The following TRIM36 variants were observed in gnomAD, a reference collection of about 807,000 sequenced individuals.
TRIM36 encodes the protein tripartite motif containing 36, also known as E3 ubiquitin-protein ligase TRIM36.
A neutral mutation model predicts 72.4 loss-of-function variants in TRIM36; 42 were observed. That is an observed-to-expected ratio of 0.58 (90% CI 0.45 to 0.75). TRIM36 has a LOEUF of 0.75. Ranked by LOEUF, TRIM36 falls within the 30% of genes least tolerant of loss-of-function variation. The pLI, the probability that TRIM36 is intolerant of heterozygous loss-of-function variation, is 0.00. For missense variants in TRIM36, 913 were observed against 857.1 expected (o/e 1.07, Z -0.81); for synonymous variants, 315 against 282.8 (o/e 1.11, Z -1.14).
At position 115,144,609 on chromosome 5, in the gene TRIM36, T is replaced by C. The variant is rs1187747863; in HGVS notation, c.724A>G (p.Lys242Glu). The C allele has an allele frequency of 6.2e-7, 1 of 1,613,528 alleles. No individual in the cohort carries two copies. The highest frequency in any genetic ancestry group is 8.5e-7 in the Non-Finnish European group (1 of 1,179,932). The part of the protein sequence containing the change: ...HRVTTMSSAY[K>E]TLKEKLSKDI... ...AAAATAAGTCCTACCTTTAAGGTTT[T>C]GTAGGCACTGCTCATAGTGGTTACA... The change falls in exon 4 of 10, where the codon AAA (lysine) becomes GAA (glutamate). Residue 242 changes from lysine to glutamate, a missense_variant. Transcript: ENST00000513154.
intron 2 of TRIM36, 78 bp from the exon 3 acceptor site, chr5:115,147,472 A>C: frequency 6.9e-7 from 1 of 1,440,516 alleles, no homozygotes; most frequent in Non-Finnish European, 9.5e-7. Context: ...GTCATGTCTT[A>C]GAGACATATC....
chr5:115,161,815 A>G (rs1351013271), intron 2 of TRIM36, among the ~76,000 whole-genome samples: 1 of 151,942 alleles, frequency 6.6e-6, no homozygotes, highest in African/African-American at 2.4e-5. Context: ...TCAAATATTT[A>G]TTGTCTCCAT....
chr5:115,168,065 G>A (rs1754887502), intron 1 of TRIM36, among the ~76,000 whole-genome samples: 3 of 151,986 alleles, frequency 2.0e-5, no homozygotes, highest in Non-Finnish European at 4.4e-5. Context: ...AAAACAGCAT[G>A]GGGGAAACCA....
In TRIM36 at chr5:115,165,904, G is replaced by A. The variant is rs142905754; in HGVS notation, c.28-2152C>T. ...TTGGAGAAAAGCTGTGGCCAAGCCCGGGCACTGACATGACCTGGCCAGGTG... is the reference window on the plus strand; with the variant it reads ...TTGGAGAAAAGCTGTGGCCAAGCCCAGGCACTGACATGACCTGGCCAGGTG... On this transcript the variant is annotated intron_variant, in intron 1 of 9. Coordinates refer to ENST00000513154, the MANE Select transcript of TRIM36 (RefSeq NM_001300759.2). 1.7e-4 allele frequency among the ~76,000 whole-genome samples: 26 copies of A among 152,242 alleles called. No individual in the cohort carries two copies. In the East Asian group the frequency reaches 3.5e-3, roughly 20 times the overall value.
intron 1 of TRIM36, among the ~76,000 whole-genome samples, chr5:115,166,543 A>C (rs938545137): frequency 6.6e-6 from 1 of 152,150 alleles, no homozygotes; most frequent in Non-Finnish European, 1.5e-5. Flanking sequence ...TCAATAAAGC[A>C]CCTTGTTCAC....
At chr5:115,131,707 T>C (rs764473470) in intron 8 of TRIM36, among the ~76,000 whole-genome samples, 2 of 152,204 alleles carry the variant, frequency 1.3e-5, no homozygotes, top group Non-Finnish European at 2.9e-5. Flanking sequence ...TGCTACAACA[T>C]GTATGATACA....
chr5:115,154,776 A>C (rs1754085824), intron 2 of TRIM36, among the ~76,000 whole-genome samples: 1 of 152,230 alleles, frequency 6.6e-6, no homozygotes, highest in Non-Finnish European at 1.5e-5. Context: ...ATTGGTACTA[A>C]TCATATTGAC....
chr5:115,165,555 G>A (rs1299939477), intron 1 of TRIM36, among the ~76,000 whole-genome samples: 4 of 152,184 alleles, frequency 2.6e-5, no homozygotes, highest in Non-Finnish European at 5.9e-5. Flanking sequence ...GAACAGCTGG[G>A]ACACAGGGCA....
At chr5:115,128,095 G>GGT (rs113602808) in intron 9 of TRIM36, among the ~76,000 whole-genome samples, 39 of 149,212 alleles carry the variant, frequency 2.6e-4, no homozygotes, top group African/African-American at 9.0e-4. Flanking sequence ...AAATTGGGGG[G>GGT]GGCCAGGAGT....
At chr5:115,163,077 A>T (rs1412237232) in intron 2 of TRIM36, among the ~76,000 whole-genome samples, 1 of 151,188 alleles carries the variant, frequency 6.6e-6, no homozygotes, top group Non-Finnish European at 1.5e-5. Context: ...CCTGACTCAG[A>T]CTCCCAGGTA....
At chr5:115,177,497 G>A (rs1755389402) in intron 1 of TRIM36, 12 of 1,266,500 alleles carry the variant, frequency 9.5e-6, no homozygotes, top group South Asian at 6.0e-5. Context: ...AAGTGGAACC[G>A]AACCCCACAG....
intron 9 of TRIM36, among the ~76,000 whole-genome samples, chr5:115,129,403 A>C (rs1419658760): frequency 2.6e-5 from 4 of 152,092 alleles, no homozygotes; most frequent in African/African-American, 4.8e-5. Flanking sequence ...TCTCTACTAA[A>C]AAAAATTAGC....
chr5:115,149,959 C>T (rs950351530), intron 2 of TRIM36, among the ~76,000 whole-genome samples: 1 of 152,110 alleles, frequency 6.6e-6, no homozygotes, highest in Non-Finnish European at 1.5e-5. Context: ...TGGGGTTTCA[C>T]CATGTTAGCC....
Position 115,141,298 on chromosome 5 carries a change from A to C in TRIM36, c.812T>G (p.Leu271Trp), listed in dbSNP as rs749142658. 1 of 1,600,542 alleles carries C rather than the reference A, an allele frequency of 6.2e-7. No homozygotes were observed. Among genetic ancestry groups the C allele is most frequent in the African/African-American group, 1.3e-5 (1 of 74,318 alleles). ...ACTTACCTCTGTTTCTTTCATTAAC[A>C]AGTTTAGTTCAGATATTTGACTCTT... ...QVKSQISELN[L>W]LMKETECNGE... Residue 271 changes from leucine (L) to tryptophan (W), a missense_variant, in exon 5 of 10, where the codon TTG becomes TGG. Leu to Trp is a moderately conservative substitution (Grantham distance 61, BLOSUM62 -2). Coordinates refer to ENST00000513154, the MANE Select transcript of TRIM36 (RefSeq NM_001300759.2).
intron 5 of TRIM36, among the ~76,000 whole-genome samples, chr5:115,138,570 GA>G (rs142591159): frequency 0.02 from 3,021 of 152,032 alleles, 105 homozygotes; most frequent in East Asian, 0.14. Context: ...GAAAATAGGG[GA>G]TAAGAAAAAC....
Position 115,163,642 on chromosome 5 carries a change from T to C in TRIM36, c.138A>G (p.Lys46=). 1 of 1,614,160 alleles carries C rather than the reference T, an allele frequency of 6.2e-7. No homozygotes were observed. Among genetic ancestry groups the C allele is most frequent in the Non-Finnish European group, 8.5e-7 (1 of 1,180,022 alleles). Residue 46 remains lysine, a synonymous_variant, in exon 2 of 10, where the codon AAA becomes AAG. Transcript: ENST00000513154. The part of the protein sequence containing the change: ...CQHSICHKCV[K]ELLLTLDDSF... ...AATCATCGAGAGTCAGCAGGAGTTC[T>C]TTTACACATTTATGACAGATACTAT...
In TRIM36 at chr5:115,147,110, G is replaced by A; in HGVS notation, c.547C>T (p.Gln183Ter). 1 of 1,614,092 alleles carries A rather than the reference G, an allele frequency of 6.2e-7. No homozygotes were observed. Among genetic ancestry groups the A allele is most frequent in the Non-Finnish European group, 8.5e-7 (1 of 1,179,998 alleles). The change falls in exon 3 of 10, where the codon CAA becomes TAA. Residue 183 changes from glutamine (Q) to a stop codon, truncating the protein, a stop_gained. Transcript: ENST00000513154. LOFTEE classifies it high-confidence loss of function. ...GTAGTTGGACCAACATACTCATGTT[G>A]AGCTTTTATAGTACCCCAAGGGTGA... is the stretch of plus-strand genomic sequence containing the variant. ...IHHPWGTIKAQHEYVGPTTNF... is the reference protein window; with the variant it reads ...IHHPWGTIKA
rs555163798 is a variant in TRIM36 at position 115,145,565 on chromosome 5, C to T, written c.589-821G>A. Reference sequence around the variant, plus strand: ...TTTTTGAGACAGAGTCTCGCTCTGTCGCCCAGGCTAGAGTGCAGTGGTGCA... The same window carrying T: ...TTTTTGAGACAGAGTCTCGCTCTGTTGCCCAGGCTAGAGTGCAGTGGTGCA... On this transcript the variant is annotated intron_variant, in intron 3 of 9. Coordinates refer to ENST00000513154, the MANE Select transcript of TRIM36 (RefSeq NM_001300759.2). Among the ~76,000 whole-genome samples, 6 of 151,770 alleles carry T rather than the reference C, an allele frequency of 4.0e-5. No homozygotes were observed. In the South Asian group the frequency reaches 1.2e-3, roughly 32 times the overall value.
Position 115,137,062 on chromosome 5 carries a change from T to G in TRIM36, c.1148A>C (p.Asp383Ala). 1 of 1,611,808 alleles carries G rather than the reference T, an allele frequency of 6.2e-7. No individual in the cohort carries two copies. The highest frequency in any genetic ancestry group is 2.2e-5 in the East Asian group (1 of 44,818). ...TTGTTTAGAGGTATTAACAACATAG[T>G]CTTCAAAAGAAGTCTGAGCTGCAGG... ...FRPAAQTSFE[D>A]YVVNTSKQTE... The change falls in exon 7 of 10, where the codon GAC becomes GCC. Residue 383 changes from aspartate to alanine, a missense_variant. Transcript: ENST00000513154.
Sources: gnomAD v4.1 joint callset for allele counts (sites outside exome capture counted in the v4.1 genomes callset) on GRCh38, gnomAD v4.1.1 for gene constraint, MANE v1.5 for transcripts, NCBI Gene and HGNC (gene_info 2026-07-23, HGNC 2026-07-21) for gene names.